MGA: variants seen among roughly 807,000 people sequenced by gnomAD.
The protein encoded by MGA is MAX dimerization protein MGA.
Under a neutral mutation model 261.1 loss-of-function variants are expected in MGA, and 40 were observed. The ratio of observed to expected loss-of-function variants is 0.15; its 90% confidence interval spans 0.12 to 0.20. The LOEUF (loss-of-function observed/expected upper bound fraction) is 0.20. Among genes scored for constraint, MGA ranks in the 10% least tolerant of loss-of-function variants. MGA has a pLI of 1.00. For synonymous variants in MGA, 1,302 were observed against 1,290.6 expected, an observed-to-expected ratio of 1.01 and a Z score of -0.19; for missense variants, 3,397 against 3,630.5, an observed-to-expected ratio of 0.94 and a Z score of 1.65.
At chr15:41,698,589 C>T (rs2059669824) in intron 3 of MGA, among the ~76,000 whole-genome samples, 2 of 152,110 alleles carry the variant, frequency 1.3e-5, no homozygotes, top group South Asian at 2.1e-4. Flanking sequence ...TGCAAATTGG[C>T]GTATACTTTG....
chr15:41,673,904 T>C (rs1037365979), intron 2 of MGA, among the ~76,000 whole-genome samples: 1 of 152,186 alleles, frequency 6.6e-6, no homozygotes. Flanking sequence ...ATTATTGTTA[T>C]GTTTTGAGAC....
Position 41,668,875 on chromosome 15 carries a change from C to A in MGA, c.-20C>A, listed in dbSNP as rs768532647. 9 of 1,518,512 alleles carry A rather than the reference C, an allele frequency of 5.9e-6. No homozygotes were observed. The highest frequency in any genetic ancestry group is 8.0e-6 in the Non-Finnish European group (9 of 1,124,496). The allele number at this position is 1,518,512 out of a possible 1,614,324, so 94.1% of individuals were successfully genotyped here. On this transcript the variant is annotated 5_prime_UTR_variant, in exon 2 of 24. The change creates a new upstream start codon in the 5' untranslated region. Transcript: ENST00000219905. ...TGTGGTGATTACAGTTGTCTTACTA[C>A]TGAGTTTCCTACTGAAATCATGGAG...
intron 8 of MGA, among the ~76,000 whole-genome samples, chr15:41,712,341 G>C (rs2060427940): frequency 6.6e-6 from 1 of 152,022 alleles, no homozygotes; most frequent in South Asian, 2.1e-4. Context: ...CTCCTGAGTA[G>C]CTGGGGCCTG....
chr15:41,742,958 A>C lies in MGA; in HGVS notation c.4998A>C (p.Ile1666=). The C allele has an allele frequency of 6.2e-7, 1 of 1,614,018 alleles. No homozygotes were observed. Among genetic ancestry groups the C allele is most frequent in the Non-Finnish European group, 8.5e-7 (1 of 1,179,888 alleles). ...TGAACCTTACCAAAACCACTGGGAT[A>C]ACTACCCCTGTGGCTTCAGTTGCTT... The change falls in exon 15 of 24, where the codon ATA becomes ATC. Residue 1666 remains isoleucine (I), a synonymous_variant. Transcript: ENST00000219905.
intron 2 of MGA, among the ~76,000 whole-genome samples, chr15:41,671,968 C>T (rs1415070566): frequency 6.6e-6 from 1 of 152,176 alleles, no homozygotes; most frequent in African/African-American, 2.4e-5. Context: ...CTTGATTCTT[C>T]AGCCACAGCT....
intron 1 of MGA, among the ~76,000 whole-genome samples, chr15:41,628,567 A>G (rs2056514748): frequency 6.6e-6 from 1 of 152,048 alleles, no homozygotes; most frequent in Non-Finnish European, 1.5e-5. Context: ...TAGTAATGCA[A>G]AGACTTTGTG....
chr15:41,698,476 T>C (rs1021663422), intron 3 of MGA, among the ~76,000 whole-genome samples: 2 of 152,220 alleles, frequency 1.3e-5, no homozygotes, highest in African/African-American at 4.8e-5. Context: ...TCTTTCTTAA[T>C]TGACTACACA....
Position 41,683,194 on chromosome 15 carries a change from G to A in MGA, c.1065-12881G>A, listed in dbSNP as rs190351102. ...TGAAATTTCAGTTATAAACCTTGGT[G>A]TGGTGGTTCTCATCTTTGTACTGTG... is the stretch of plus-strand genomic sequence containing the variant. On this transcript the variant is annotated intron_variant, in intron 2 of 23. Transcript: ENST00000219905. Among the ~76,000 whole-genome samples the A allele has an allele frequency of 1.5e-3, 223 of 152,204 alleles. 1 individual carries two copies. Among genetic ancestry groups the A allele is most frequent in the African/African-American group, 5.2e-3 (217 of 41,526 alleles).
At chr15:41,655,478 C>T (rs764863478), upstream of MGA, among the ~76,000 whole-genome samples, 2 of 152,032 alleles carry the variant, frequency 1.3e-5, no homozygotes, top group African/African-American at 4.8e-5. Context: ...TGGCTTTTCC[C>T]GTATACTTTA....
Position 41,749,592 on chromosome 15 carries a change from G to A in MGA, c.5985G>A (p.Gln1995=). The change falls in exon 17 of 24, where the codon CAG becomes CAA. Residue 1995 remains glutamine (Q), a synonymous_variant. Transcript: ENST00000219905. The stretch of plus-strand genomic sequence containing the variant: ...AGCAAGAAACGAAGAAGGTTCTACA[G>A]TCAGAAGGAGAGGCTGTAGACCCTG... The A allele has an allele frequency of 6.2e-7, 1 of 1,613,858 alleles. No homozygotes were observed. The highest frequency in any genetic ancestry group is 8.5e-7 in the Non-Finnish European group (1 of 1,179,876).
intron 1 of MGA, among the ~76,000 whole-genome samples, chr15:41,665,607 A>C (rs1484668944): frequency 6.6e-6 from 1 of 152,120 alleles, no homozygotes; most frequent in Non-Finnish European, 1.5e-5. Flanking sequence ...GGCTTAAGCG[A>C]TCCTCCTGCC....
chr15:41,677,100 G>A (rs1224300194), intron 2 of MGA, among the ~76,000 whole-genome samples: 3 of 152,216 alleles, frequency 2.0e-5, no homozygotes, highest in African/African-American at 7.2e-5. Context: ...GTGGACACTT[G>A]GATAGCTTCT....
chr15:41,721,798 C>T (rs968562613), intron 9 of MGA, among the ~76,000 whole-genome samples: 1 of 152,168 alleles, frequency 6.6e-6, no homozygotes. Context: ...AATAGTTGGG[C>T]AGTATCTACT....
chr15:41,670,479 A>T (rs1423694704), intron 2 of MGA, among the ~76,000 whole-genome samples: 2 of 152,156 alleles, frequency 1.3e-5, no homozygotes, highest in Non-Finnish European at 2.9e-5. Flanking sequence ...AGCTTCAGTT[A>T]TGCCAGGTAA....
chr15:41,767,268 T>G lies in MGA; in HGVS notation c.9186T>G (p.Ser3062=), dbSNP rs372687529. The change falls in exon 24 of 24, where the codon TCT becomes TCG. Residue 3062 remains serine, a synonymous_variant. Coordinates refer to ENST00000219905, the MANE Select transcript of MGA (RefSeq NM_001164273.2). ...GCAACTCGGGGGCCTCACCAAGTTC[T>G]GCAGGGAAATGAACTTACTTGTCCT... is the stretch of plus-strand genomic sequence containing the variant. 5 of 1,609,826 alleles carry G rather than the reference T, an allele frequency of 3.1e-6. No individual in the cohort carries two copies. The highest frequency in any genetic ancestry group is 1.3e-5 in the African/African-American group (1 of 74,998).
chr15:41,636,031 G>A (rs1160130225), intron 1 of MGA, among the ~76,000 whole-genome samples: 1 of 152,034 alleles, frequency 6.6e-6, no homozygotes, highest in African/African-American at 2.4e-5. Context: ...AATATATAGT[G>A]GATATACATA....
At chr15:41,728,949 G>A (rs766544276) in intron 10 of MGA, among the ~76,000 whole-genome samples, 3 of 152,082 alleles carry the variant, frequency 2.0e-5, no homozygotes, top group Non-Finnish European at 4.4e-5. Flanking sequence ...GCACTGCTCT[G>A]GTATGATCTG....
intron 5 of MGA, among the ~76,000 whole-genome samples, chr15:41,700,047 T>G (rs970607376): frequency 7.0e-6 from 1 of 142,096 alleles, no homozygotes; most frequent in East Asian, 2.2e-4. Context: ...CGAGGTTTTT[T>G]TTTTTTTTTT....
rs867953857 is a variant in MGA at position 41,736,479 on chromosome 15, AGAT to A, written c.4219_4221del (p.Asp1407del). 1 of 1,613,996 alleles carries A rather than the reference AGAT, an allele frequency of 6.2e-7. No individual in the cohort carries two copies. On this transcript the variant is annotated inframe_deletion, in exon 13 of 24. Transcript: ENST00000219905. ...TCTCTATGCCATCATGTCAAGACCA[AGAT>A]GATATGGCTGAGAAATCTGGATCAG...
Sources: gnomAD v4.1 joint callset for allele counts (sites outside exome capture counted in the v4.1 genomes callset) on GRCh38, gnomAD v4.1.1 for gene constraint, MANE v1.5 for transcripts, NCBI Gene and HGNC (gene_info 2026-07-23, HGNC 2026-07-21) for gene names.